Variants in CYSTM1 observed in about 807,000 individuals in gnomAD.
The protein encoded by CYSTM1 is cysteine-rich transmembrane module-containing protein 1.
A neutral mutation model predicts 13.1 loss-of-function variants in CYSTM1; 4 were observed. The ratio of observed to expected loss-of-function variants is 0.31; its 90% CI spans 0.15 to 0.70. The LOEUF is 0.70. CYSTM1 is among the 30% of genes least tolerant of loss of function. The pLI is 0.72. For synonymous variants in CYSTM1, 36 were observed against 42.7 expected (o/e 0.84, Z 0.62); for missense variants, 96 against 121.6 (o/e 0.79, Z 0.99).
rs562697338 is a variant in CYSTM1 at position 140,215,890 on chromosome 5, C to G, written c.187+21238C>G. ...GCACAATGACTCACACCTGTAATCC[C>G]AACACTTTGGGAGGTCAAGGTGGGT... On this transcript the variant is annotated intron_variant, in intron 2 of 2. Transcript: ENST00000261811. 4.6e-5 allele frequency among the ~76,000 whole-genome samples: 7 copies of G among 152,180 alleles called. No homozygotes were observed. The East Asian group carries it at 9.6e-4, about 21-fold the overall frequency.
At chr5:140,212,984 T>C (rs1392460818) in intron 2 of CYSTM1, among the ~76,000 whole-genome samples, 1 of 21,612 alleles carries the variant, frequency 4.6e-5, no homozygotes, top group Non-Finnish European at 9.6e-5. Context: ...AAAACAAAAG[T>C]ATATATATAT....
chr5:140,229,562 G>C (rs184750623), intron 2 of CYSTM1, among the ~76,000 whole-genome samples: 3 of 152,002 alleles, frequency 2.0e-5, no homozygotes, highest in East Asian at 1.9e-4. Context: ...TCTTTCCCTC[G>C]TGCTTTGTAT....
Position 140,230,369 on chromosome 5 carries a change from G to A in CYSTM1, c.188-12936G>A, listed in dbSNP as rs1037214216. On this transcript the variant is annotated intron_variant, in intron 2 of 2. Coordinates refer to ENST00000261811, the MANE Select transcript of CYSTM1 (RefSeq NM_032412.4). The surrounding 1 kb of genome is among the most constrained non-coding windows in gnomAD (Gnocchi z 4.1). ...TGCTTTTATTATAAGTTAACAATTA[G>A]ACAGGATTCCAGCTCAAATCTGTCT... Among the ~76,000 whole-genome samples, 2 of 152,074 alleles carry A rather than the reference G, an allele frequency of 1.3e-5. No homozygotes were observed. Among genetic ancestry groups the A allele is most frequent in the Non-Finnish European group, 2.9e-5 (2 of 67,950 alleles).
At chr5:140,224,199 G>C (rs1764523042) in intron 2 of CYSTM1, among the ~76,000 whole-genome samples, 1 of 152,150 alleles carries the variant, frequency 6.6e-6, no homozygotes, top group Admixed American at 6.5e-5. Context: ...GAGTGCAGTG[G>C]CGAAATCTCG....
chr5:140,216,339 T>G (rs1420302660), intron 2 of CYSTM1, among the ~76,000 whole-genome samples: 4 of 152,204 alleles, frequency 2.6e-5, no homozygotes, highest in African/African-American at 9.7e-5. Flanking sequence ...TTACATAAAT[T>G]GATTAAGCCA....
At chr5:140,187,904 GA>G (rs35005760) in intron 1 of CYSTM1, among the ~76,000 whole-genome samples, 15 of 145,444 alleles carry the variant, frequency 1.0e-4, no homozygotes, top group East Asian at 4.0e-4. Context: ...AGTGTCTTGT[GA>G]AAAAAAAAAA....
chr5:140,240,015 A>G (rs1454029304), intron 2 of CYSTM1, among the ~76,000 whole-genome samples: 2 of 152,080 alleles, frequency 1.3e-5, no homozygotes, highest in Non-Finnish European at 1.5e-5. Context: ...AGGAGCTGGA[A>G]CCCAGCTCCG....
rs78876080 is a variant in CYSTM1 at position 140,185,760 on chromosome 5, A to G, written c.-20-8686A>G. Among the ~76,000 whole-genome samples the G allele has an allele frequency of 1.3e-4, 20 of 152,252 alleles. No homozygotes were observed. The East Asian group carries it at 3.9e-3, about 29-fold the overall frequency. On this transcript the variant is annotated intron_variant, in intron 1 of 2. Transcript: ENST00000261811. ...TGTTAAAGTGTCCATATCAGGAGCA[A>G]GTTCTTCCTAGGAGAAGGCCTACAG...
intron 2 of CYSTM1, among the ~76,000 whole-genome samples, chr5:140,236,749 A>G (rs562927202): frequency 3.9e-5 from 6 of 152,256 alleles, no homozygotes. Flanking sequence ...CAGAGCCAGG[A>G]CCTCGGCTCA....
rs1161281232 is a variant in CYSTM1, at chr5:140,177,068, C to CAAAAAAAAAAA, written c.-21+1792_-21+1802dup. Among the ~76,000 whole-genome samples the CAAAAAAAAAAA allele has an allele frequency of 8.0e-5, 7 of 87,942 alleles. 2 individuals carry two copies. Among genetic ancestry groups the CAAAAAAAAAAA allele is most frequent in the Non-Finnish European group, 1.5e-4 (7 of 45,800 alleles). 57.7% of individuals were successfully genotyped at this position (87,942 alleles called of 152,430 possible). Reference sequence around the variant, plus strand: ...TGGGCGACAGAGCGAGACTCTGTCTCAAAAAAAAAAAAAAAAAAATCTCTA... The same window carrying CAAAAAAAAAAA: ...TGGGCGACAGAGCGAGACTCTGTCTCAAAAAAAAAAAAAAAAAAAAAAAAAAAAAATCTCTA... On this transcript the variant is annotated intron_variant, in intron 1 of 2. Coordinates refer to ENST00000261811, the MANE Select transcript of CYSTM1 (RefSeq NM_032412.4).
rs114685167 is a variant in CYSTM1, at chr5:140,230,964, A to G, written c.188-12341A>G. On this transcript the variant is annotated intron_variant, in intron 2 of 2. Transcript: ENST00000261811. The surrounding 1 kb of genome is among the most constrained non-coding windows in gnomAD (Gnocchi z 4.1). ...GGCTTTCTCGGCCTTTTACTGTTTC[A>G]TCTACATTTTAGAATGTGTGTTAGT... 0.013 allele frequency among the ~76,000 whole-genome samples: 1,992 copies of G among 152,214 alleles called. 30 individuals are homozygous for G. The highest frequency in any genetic ancestry group is 0.023 in the Non-Finnish European group (1,565 of 68,020).
intron 2 of CYSTM1, among the ~76,000 whole-genome samples, chr5:140,240,792 C>T (rs566711542): frequency 2.0e-5 from 3 of 152,210 alleles, no homozygotes; most frequent in South Asian, 2.1e-4. Context: ...GTTTCTCCTG[C>T]GCTAGTCATC....
At position 140,230,570 on chromosome 5, in the gene CYSTM1, T is replaced by C. The variant is rs948968361; in HGVS notation, c.188-12735T>C. Among the ~76,000 whole-genome samples, 1 of 152,226 alleles carries C rather than the reference T, an allele frequency of 6.6e-6. No individual in the cohort carries two copies. Among genetic ancestry groups the C allele is most frequent in the Non-Finnish European group, 1.5e-5 (1 of 68,034 alleles). On this transcript the variant is annotated intron_variant, in intron 2 of 2. Transcript: ENST00000261811. The surrounding 1 kb of genome is among the most constrained non-coding windows in gnomAD (Gnocchi z 4.1). ...TGCAAATTCAGGGGAGGGGTTAGCA[T>C]GAAACATGCAGTGAAAATTCAGGCT...
intron 1 of CYSTM1, among the ~76,000 whole-genome samples, chr5:140,188,257 G>C (rs78107200): frequency 6.6e-6 from 1 of 151,562 alleles, no homozygotes; most frequent in African/African-American, 2.4e-5. Context: ...GGGGGGAAGG[G>C]GGGAGGGTAG....
intron 1 of CYSTM1, among the ~76,000 whole-genome samples, chr5:140,192,419 GT>G (rs1417755393): frequency 3.9e-5 from 6 of 152,160 alleles, no homozygotes; most frequent in African/African-American, 1.4e-4. Context: ...CTTACCATTG[GT>G]TTCCAGGACT....
rs1025457588 is a variant in CYSTM1, at chr5:140,226,356, C to T, written c.188-16949C>T. On this transcript the variant is annotated intron_variant, in intron 2 of 2. Transcript: ENST00000261811. Reference sequence around the variant, plus strand: ...TAAAATTCCTATTCTGGGCTGGGCGCGGTGGCTCACATCTATAATCCCAGC... The same window carrying T: ...TAAAATTCCTATTCTGGGCTGGGCGTGGTGGCTCACATCTATAATCCCAGC... 3.4e-5 allele frequency among the ~76,000 whole-genome samples: 5 copies of T among 149,188 alleles called. No individual in the cohort carries two copies. The South Asian group carries it at 8.4e-4, about 25-fold the overall frequency.
Position 140,241,139 on chromosome 5 carries a change from A to G in CYSTM1, c.188-2166A>G, listed in dbSNP as rs112360524. On this transcript the variant is annotated intron_variant, in intron 2 of 2. Coordinates refer to ENST00000261811, the MANE Select transcript of CYSTM1 (RefSeq NM_032412.4). ...AGTTCCCCACGTTTCCAAGTATGTT[A>G]TGTGAAAGCCCTGGCAAGAACGAAC... Among the ~76,000 whole-genome samples, 3 of 152,336 alleles carry G rather than the reference A, an allele frequency of 2.0e-5. 1 individual carries two copies. Among genetic ancestry groups the G allele is most frequent in the African/African-American group, 7.2e-5 (3 of 41,574 alleles).
chr5:140,226,936 T>C (rs1764565319), intron 2 of CYSTM1, among the ~76,000 whole-genome samples: 1 of 151,836 alleles, frequency 6.6e-6, no homozygotes, highest in Admixed American at 6.6e-5. Flanking sequence ...CTGAGGTCGC[T>C]GACTGGCAGA....
In CYSTM1 at chr5:140,182,700, G is replaced by A. The variant is rs74413054; in HGVS notation, c.-21+7415G>A. Reference sequence around the variant, plus strand: ...CTTTCACATATAGAGAACTGTTTGTGGATGTTGCTAATGATAGAAACTGAA... The same window carrying A: ...CTTTCACATATAGAGAACTGTTTGTAGATGTTGCTAATGATAGAAACTGAA... On this transcript the variant is annotated intron_variant, in intron 1 of 2. Transcript: ENST00000261811. 3.3e-3 allele frequency among the ~76,000 whole-genome samples: 500 copies of A among 151,758 alleles called. 2 individuals are homozygous for A. Among genetic ancestry groups the A allele is most frequent in the African/African-American group, 0.012 (479 of 41,334 alleles).
Sources: gnomAD v4.1 joint callset for allele counts (sites outside exome capture counted in the v4.1 genomes callset) on GRCh38, gnomAD v4.1.1 for gene constraint, Gnocchi (gnomAD v3.1) non-coding constraint, MANE v1.5 for transcripts, NCBI Gene and HGNC (gene_info 2026-07-23, HGNC 2026-07-21) for gene names.